OSBP2: variants seen among roughly 807,000 people sequenced by gnomAD.
OSBP2 encodes oxysterol binding protein 2, also known as oxysterol-binding protein 2.
OSBP2 carries 66 observed loss-of-function variants against 96.0 expected under a neutral mutation model. That is an observed-to-expected ratio of 0.69 (90% CI 0.56 to 0.84). The LOEUF (loss-of-function observed/expected upper bound fraction) is 0.84. Among genes scored for constraint, OSBP2 ranks in the 40% least tolerant of loss-of-function variants. OSBP2 has a pLI of 0.00. For missense variants in OSBP2, 1,038 were observed against 1,222.7 expected, an observed-to-expected ratio of 0.85 and a Z score of 2.25; for synonymous variants, 525 against 520.9, an observed-to-expected ratio of 1.01 and a Z score of -0.11.
chr22:30,843,078 C>T (rs946436287), intron 2 of OSBP2, among the ~76,000 whole-genome samples: 1 of 152,178 alleles, frequency 6.6e-6, no homozygotes, highest in African/African-American at 2.4e-5. Context: ...GCCACCGCAC[C>T]CGGCCTGCAA....
At chr22:30,711,594 G>T (rs540770498) in intron 1 of OSBP2, among the ~76,000 whole-genome samples, 2 of 152,040 alleles carry the variant, frequency 1.3e-5, no homozygotes, top group South Asian at 4.2e-4. Flanking sequence ...GCAAAAATCA[G>T]CCAGGCATGG....
chr22:30,899,361 A>G (rs2040142411), intron 12 of OSBP2, among the ~76,000 whole-genome samples: 1 of 151,442 alleles, frequency 6.6e-6, no homozygotes, highest in Non-Finnish European at 1.5e-5. Context: ...AGCCATGACT[A>G]CTACTGCATA....
chr22:30,883,903 C>G lies in OSBP2; in HGVS notation c.1108-3523C>G, dbSNP rs9609142. 8.1e-3 allele frequency among the ~76,000 whole-genome samples: 1,229 copies of G among 152,292 alleles called. 5 individuals carry two copies. Among genetic ancestry groups the G allele is most frequent in the Non-Finnish European group, 0.012 (844 of 68,020 alleles). On this transcript the variant is annotated intron_variant, in intron 3 of 13. Coordinates refer to ENST00000332585, the MANE Select transcript of OSBP2 (RefSeq NM_030758.4). The stretch of plus-strand genomic sequence containing the variant: ...GTTTTCAGGGTCCTCACTCTAAGGC[C>G]TACAGCAGTGAGAGAGGGACAGGGT...
rs139303320 is a variant in OSBP2, at chr22:30,828,025, G to A, written c.854-42404G>A. Among the ~76,000 whole-genome samples, 1,088 of 152,214 alleles carry A rather than the reference G, an allele frequency of 7.1e-3. 8 individuals carry two copies. Among genetic ancestry groups the A allele is most frequent in the Non-Finnish European group, 9.9e-3 (670 of 67,990 alleles). ...GGGGAAGGCTATGGCCTGGGGACCC[G>A]CTGAACTCTTGAGGGGCCTGGCCTG... is the stretch of plus-strand genomic sequence containing the variant. On this transcript the variant is annotated intron_variant, in intron 2 of 13. Coordinates refer to ENST00000332585, the MANE Select transcript of OSBP2 (RefSeq NM_030758.4).
intron 1 of OSBP2, among the ~76,000 whole-genome samples, chr22:30,701,234 C>T (rs2089156055): frequency 6.6e-6 from 1 of 152,114 alleles, no homozygotes; most frequent in East Asian, 1.9e-4. Context: ...GTGTACTCAC[C>T]CTTCCCATGA....
chr22:30,711,795 C>T (rs1019291121), intron 1 of OSBP2, among the ~76,000 whole-genome samples: 3 of 151,162 alleles, frequency 2.0e-5, no homozygotes, highest in Admixed American at 6.6e-5. Flanking sequence ...AGGTAGAACT[C>T]ATTTTCTCTG....
chr22:30,697,459 A>G (rs1346257703), intron 1 of OSBP2, among the ~76,000 whole-genome samples: 2 of 152,040 alleles, frequency 1.3e-5, no homozygotes, highest in Non-Finnish European at 2.9e-5. Context: ...TTGTATTTTT[A>G]GTAGAGGCGG....
chr22:30,785,426 A>T (rs1290959388), intron 2 of OSBP2, among the ~76,000 whole-genome samples: 3 of 151,948 alleles, frequency 2.0e-5, no homozygotes, highest in African/African-American at 7.2e-5. Flanking sequence ...AATTAGCTGG[A>T]CATGGTGGCT....
chr22:30,876,049 G>A (rs755052880), intron 3 of OSBP2, among the ~76,000 whole-genome samples: 15 of 152,248 alleles, frequency 9.9e-5, no homozygotes, highest in African/African-American at 1.7e-4. Context: ...CCCAGTTGGC[G>A]GAGAGGCAGA....
chr22:30,716,539 G>A (rs1475583194), intron 1 of OSBP2, among the ~76,000 whole-genome samples: 3 of 151,948 alleles, frequency 2.0e-5, no homozygotes, highest in Non-Finnish European at 1.5e-5. Flanking sequence ...CCAGGTTCAA[G>A]CAATTCTCCT....
At chr22:30,808,765 T>G (rs905999487) in intron 2 of OSBP2, among the ~76,000 whole-genome samples, 1 of 151,898 alleles carries the variant, frequency 6.6e-6, no homozygotes, top group African/African-American at 2.4e-5. Context: ...CCATCCTGGC[T>G]AACATGGTGA....
chr22:30,882,506 TAAA>T (rs11370269), intron 3 of OSBP2, among the ~76,000 whole-genome samples: 2 of 142,428 alleles, frequency 1.4e-5, no homozygotes, highest in Admixed American at 7.0e-5. Flanking sequence ...ATGCACACTA[TAAA>T]AAAAAAAAAA....
intron 2 of OSBP2, among the ~76,000 whole-genome samples, chr22:30,769,750 A>G (rs1449663381): frequency 6.6e-6 from 1 of 152,190 alleles, no homozygotes; most frequent in Admixed American, 6.5e-5. Flanking sequence ...CATCACTACC[A>G]TTCCAGGCTC....
chr22:30,787,194 G>A (rs1464659587), intron 2 of OSBP2, among the ~76,000 whole-genome samples: 1 of 152,174 alleles, frequency 6.6e-6, no homozygotes, highest in Non-Finnish European at 1.5e-5. Flanking sequence ...ATAAAGGAAA[G>A]GGGTTTAATA....
At chr22:30,839,146 A>G (rs1056056109) in intron 2 of OSBP2, among the ~76,000 whole-genome samples, 19 of 142,466 alleles carry the variant, frequency 1.3e-4, no homozygotes, top group African/African-American at 2.4e-4. Flanking sequence ...ATGATTTCCA[A>G]TTTCATCCAT....
At position 30,871,879 on chromosome 22, in the gene OSBP2, C is replaced by T. The variant is rs970643035; in HGVS notation, c.1107+1197C>T. ...CATGATTGTGGGGCAGGAGGGCCAC[C>T]CCACCACCCACACCTGCCCAGATAT... On this transcript the variant is annotated intron_variant, in intron 3 of 13. Transcript: ENST00000332585. This position sits in a 1 kb window ranked among gnomAD's most constrained non-coding sequence, Gnocchi z 4.7. Among the ~76,000 whole-genome samples the T allele has an allele frequency of 9.2e-5, 14 of 152,238 alleles. No individual in the cohort carries two copies. The highest frequency in any genetic ancestry group is 1.6e-4 in the Non-Finnish European group (11 of 68,048).
chr22:30,842,095 C>A (rs1361981381), intron 2 of OSBP2, among the ~76,000 whole-genome samples: 3 of 152,000 alleles, frequency 2.0e-5, no homozygotes, highest in Non-Finnish European at 4.4e-5. Context: ...CACAGGGGTG[C>A]ACCAACATGC....
At chr22:30,900,076 T>C (rs1235369013) in intron 12 of OSBP2, among the ~76,000 whole-genome samples, 5 of 152,050 alleles carry the variant, frequency 3.3e-5, no homozygotes, top group Admixed American at 2.0e-4. Flanking sequence ...CTGACCAACA[T>C]GGAGAAACCC....
chr22:30,775,527 G>A (rs1270961275), intron 2 of OSBP2, among the ~76,000 whole-genome samples: 1 of 151,954 alleles, frequency 6.6e-6, no homozygotes, highest in African/African-American at 2.4e-5. Context: ...TGAGGCAAGA[G>A]AATCGCTTGA....
Sources: allele counts gnomAD v4.1 joint callset (sites outside exome capture counted in the v4.1 genomes callset), GRCh38; gene constraint gnomAD v4.1.1; non-coding constraint Gnocchi (gnomAD v3.1); transcripts MANE v1.5; gene names NCBI Gene and HGNC (gene_info 2026-07-23, HGNC 2026-07-21).